The following KLHDC2 variants were observed in gnomAD, a reference collection of about 807,000 sequenced individuals.
The protein encoded by KLHDC2 is kelch domain containing 2.
A neutral mutation model predicts 62.3 loss-of-function variants in KLHDC2; 38 were observed. That is an observed-to-expected ratio of 0.61 (90% confidence interval 0.47 to 0.80). KLHDC2 has a LOEUF of 0.80. KLHDC2 is among the 30% of genes least tolerant of loss of function. The pLI is 0.00. For synonymous variants in KLHDC2, 159 were observed against 161.0 expected (o/e 0.99, Z 0.09); for missense variants, 430 against 495.3 (o/e 0.87, Z 1.25).
At chr14:49,768,764 T>C in intron 1 of KLHDC2, 143 bp downstream of exon 1, 1 of 743,462 alleles carries the variant, frequency 1.3e-6, no homozygotes, top group Non-Finnish European at 2.0e-6. Context: ...TGCCCGTTGG[T>C]TGTTTTTTTT....
intron 8 of KLHDC2, 75 bp from the exon 9 acceptor site, chr14:49,780,138 A>G: frequency 2.1e-6 from 2 of 974,058 alleles, no homozygotes; most frequent in East Asian, 4.8e-5. Context: ...ATGTACATAT[A>G]AATTTTAAAA....
intron 10 of KLHDC2, 62 bp downstream of exon 10, chr14:49,780,837 C>G: frequency 2.3e-6 from 2 of 868,396 alleles, no homozygotes; most frequent in Non-Finnish European, 4.0e-6. Flanking sequence ...GTTTTGGCTG[C>G]ATTATATCCA....
At position 49,780,897 on chromosome 14, in the gene KLHDC2, C is replaced by A; in HGVS notation, c.956+122C>A. ...GCATTCACTAAGGTTTGAAATACTT[C>A]TCAAAGAAAAGAAAACCAATGTTAT... On this transcript the variant is annotated intron_variant, in intron 10 of 12. Transcript: ENST00000298307. 3.1e-6 allele frequency: 2 copies of A among 651,904 alleles called. 1 individual carries two copies. Among genetic ancestry groups the A allele is most frequent in the Non-Finnish European group, 5.5e-6 (2 of 361,166 alleles). 40.4% of individuals were successfully genotyped at this position (651,904 alleles called of 1,614,324 possible).
At chr14:49,780,803 T>A (rs772963962) in intron 10 of KLHDC2, 28 bp downstream of exon 10, 1 of 1,150,926 alleles carries the variant, frequency 8.7e-7, no homozygotes, top group Non-Finnish European at 1.3e-6. Context: ...ATATACTGAA[T>A]ATGCATAAGA....
At chr14:49,782,156 G>A in intron 10 of KLHDC2, 1 of 514,942 alleles carries the variant, frequency 1.9e-6, no homozygotes, top group Non-Finnish European at 3.4e-6. Context: ...TTGCATAAAT[G>A]AGAACGACCA....
At chr14:49,782,317 A>G in intron 10 of KLHDC2, 53 bp from the exon 11 acceptor site, 5 of 1,197,350 alleles carry the variant, frequency 4.2e-6, no homozygotes, top group Non-Finnish European at 6.1e-6. Context: ...GTAGTATAAA[A>G]TGGCCAACTG....
At chr14:49,774,482 A>G (rs1009736846) in intron 2 of KLHDC2, 79 bp from the exon 3 acceptor site, 4 of 875,708 alleles carry the variant, frequency 4.6e-6, no homozygotes, top group African/African-American at 1.7e-5. Flanking sequence ...TTGTGAGGAT[A>G]TAAGTAGAAG....
At chr14:49,780,454 T>G in intron 9 of KLHDC2, 132 bp downstream of exon 9, 1 of 691,076 alleles carries the variant, frequency 1.4e-6, no homozygotes, top group Non-Finnish European at 2.5e-6. Flanking sequence ...ATTTTGATCC[T>G]GTAACATAGC....
chr14:49,777,893 G>A lies in KLHDC2; in HGVS notation c.406G>A (p.Asp136Asn). 6.2e-7 allele frequency: 1 copy of A among 1,612,530 alleles called. No individual in the cohort carries two copies. The highest frequency in any genetic ancestry group is 8.5e-7 in the Non-Finnish European group (1 of 1,179,132). ...CAGAGTGTTACAGTGGGAAAGAATTGATTGCCAAGGAATTCCTCCATCATC... is the reference window on the plus strand; with the variant it reads ...CAGAGTGTTACAGTGGGAAAGAATTAATTGCCAAGGAATTCCTCCATCATC... ...TDRVLQWERI[D>N]CQGIPPSSKD... Residue 136 changes from aspartate (D) to asparagine (N), a missense_variant, in exon 4 of 13, where the codon GAT (aspartate) becomes AAT (asparagine). Transcript: ENST00000298307.
At chr14:49,778,313 AT>A (rs1209686290) in intron 5 of KLHDC2, 54 bp downstream of exon 5, 1 of 1,368,670 alleles carries the variant, frequency 7.3e-7, no homozygotes, top group Non-Finnish European at 1.0e-6. Context: ...GAAATAATAC[AT>A]TTTATAAGTT....
intron 9 of KLHDC2, 115 bp downstream of exon 9, chr14:49,780,437 GA>G: frequency 1.3e-6 from 1 of 755,564 alleles, no homozygotes; most frequent in South Asian, 1.6e-5. Flanking sequence ...TGGAAGGTTT[GA>G]AATTAATTTT....
intron 1 of KLHDC2, among the ~76,000 whole-genome samples, chr14:49,770,682 A>G (rs1220976177): frequency 6.6e-6 from 1 of 152,176 alleles, no homozygotes. Flanking sequence ...TTTTCTCATA[A>G]CATCAGCTAC....
chr14:49,776,044 C>T (rs974469279), intron 3 of KLHDC2, among the ~76,000 whole-genome samples: 4 of 152,138 alleles, frequency 2.6e-5, no homozygotes, highest in Admixed American at 6.6e-5. Context: ...GTGGGAGGAG[C>T]ATATGGTGTT....
At chr14:49,778,556 T>TGGGGGGGGGGGGGGGGGG in intron 6 of KLHDC2, 62 bp downstream of exon 6, 1 of 427,090 alleles carries the variant, frequency 2.3e-6, no homozygotes, top group Non-Finnish European at 4.0e-6. Flanking sequence ...AGGGGTGGGG[T>TGGGGGGGGGGGGGGGGGG]AGGGGAGAGG....
At position 49,784,560 on chromosome 14, in the gene KLHDC2, C is replaced by A. The variant is rs1241354306; in HGVS notation, c.*1607C>A. ...TTTTTATAATGCGGAAATCCTGATA[C>A]ATGGTGCTTTCATCTTTGAACTTCC... On this transcript the variant is annotated 3_prime_UTR_variant, in exon 13 of 13. Transcript: ENST00000298307. 6.2e-6 allele frequency: 6 copies of A among 960,958 alleles called. No individual in the cohort carries two copies. The highest frequency in any genetic ancestry group is 9.8e-6 in the Non-Finnish European group (6 of 611,702). 59.5% of individuals were successfully genotyped at this position (960,958 alleles called of 1,614,324 possible).
chr14:49,768,726 C>T, intron 1 of KLHDC2, 105 bp downstream of exon 1: 1 of 1,112,692 alleles, frequency 9.0e-7, no homozygotes, highest in Non-Finnish European at 1.2e-6. Context: ...GCGCTCCCCG[C>T]CTGCGTCGCG....
chr14:49,784,760 T>C lies in KLHDC2; in HGVS notation c.*1807T>C. ...ATATCTTCACATCCTGTATGGTCAA[T>C]CATGTTTCTTTTATGACAAAAACGA... is the stretch of plus-strand genomic sequence containing the variant. On this transcript the variant is annotated 3_prime_UTR_variant, in exon 13 of 13. Transcript: ENST00000298307. 1 of 1,523,164 alleles carries C rather than the reference T, an allele frequency of 6.6e-7. No homozygotes were observed. Among genetic ancestry groups the C allele is most frequent in the Non-Finnish European group, 9.0e-7 (1 of 1,107,126 alleles). The allele number at this position is 1,523,164 out of a possible 1,614,324, so 94.4% of individuals were successfully genotyped here. A position where few individuals can be genotyped will look rare whatever the true frequency, so the allele number is the denominator to read the frequency against.
At position 49,768,502 on chromosome 14, in the gene KLHDC2, G is replaced by A. The variant is rs772196730; in HGVS notation, c.34G>A (p.Asp12Asn). The change falls in exon 1 of 13, where the codon GAC becomes AAC. Residue 12 changes from aspartate (D) to asparagine (N), a missense_variant. Asp to Asn is a conservative substitution (Grantham distance 23, BLOSUM62 1). Transcript: ENST00000298307. Reference sequence around the variant, plus strand: ...TGGCAACGAGGATCTGCGGGCTGACGACTTGCCTGGGCCAGCCTTCGAGAG... The same window carrying A: ...TGGCAACGAGGATCTGCGGGCTGACAACTTGCCTGGGCCAGCCTTCGAGAG... ...ADGNEDLRAD[D>N]LPGPAFESYE... 1.2e-6 allele frequency: 2 copies of A among 1,610,066 alleles called. No homozygotes were observed. The highest frequency in any genetic ancestry group is 8.5e-7 in the Non-Finnish European group (1 of 1,178,688).
rs555268586 is a variant in KLHDC2, at chr14:49,785,496, A to C, written c.*2543A>C. 1 of 567,350 alleles carries C rather than the reference A, an allele frequency of 1.8e-6. No homozygotes were observed. Among genetic ancestry groups the C allele is most frequent in the South Asian group, 2.1e-5 (1 of 48,120 alleles). The allele number at this position is 567,350 out of a possible 1,614,324, so 35.1% of individuals were successfully genotyped here. A position where few individuals can be genotyped will look rare whatever the true frequency, so the allele number is the denominator to read the frequency against. On this transcript the variant is annotated 3_prime_UTR_variant, in exon 13 of 13. Transcript: ENST00000298307. ...CATAGTTCCAAAGAGTTGAAGACCA[A>C]TGTTTAAATATATTCTTTACTACTT... is the stretch of plus-strand genomic sequence containing the variant.
Sources: allele counts gnomAD v4.1 joint callset (sites outside exome capture counted in the v4.1 genomes callset), GRCh38; gene constraint gnomAD v4.1.1; transcripts MANE v1.5; gene names NCBI Gene and HGNC (gene_info 2026-07-23, HGNC 2026-07-21).